DZANK1: variants seen among roughly 807,000 people sequenced by gnomAD.
The protein encoded by DZANK1 is double zinc ribbon and ankyrin repeat domains 1, also known as double zinc ribbon and ankyrin repeat-containing protein 1.
Under a neutral mutation model 94.5 loss-of-function variants are expected in DZANK1, and 91 were observed. That is an observed-to-expected ratio of 0.96 (90% CI 0.81 to 1.15). The LOEUF (loss-of-function observed/expected upper bound fraction) is 1.15. Among genes scored for constraint, DZANK1 ranks in the 50% most tolerant of loss-of-function variants. The pLI is 0.00. For synonymous variants in DZANK1, 312 were observed against 325.3 expected (o/e 0.96, Z 0.44); for missense variants, 903 against 916.4 (o/e 0.99, Z 0.19).
intron 8 of DZANK1, among the ~76,000 whole-genome samples, chr20:18,437,943 G>A (rs1568979932): frequency 6.6e-6 from 1 of 152,080 alleles, no homozygotes; most frequent in Non-Finnish European, 1.5e-5. Flanking sequence ...AAAAGGCCGG[G>A]TGCGGTGGCT....
intron 13 of DZANK1, among the ~76,000 whole-genome samples, chr20:18,400,008 T>G (rs574371989): frequency 6.6e-6 from 1 of 152,230 alleles, no homozygotes; most frequent in South Asian, 2.1e-4. Flanking sequence ...TGCGTTTAAA[T>G]CCTAAATCTA....
chr20:18,423,060 G>A (rs746687077), intron 10 of DZANK1, among the ~76,000 whole-genome samples: 11 of 152,002 alleles, frequency 7.2e-5, no homozygotes, highest in Admixed American at 3.3e-4. Context: ...CTCCACATAT[G>A]ACAGTGGGCC....
At chr20:18,417,715 A>C (rs144287626) in intron 10 of DZANK1, among the ~76,000 whole-genome samples, 3,746 of 152,276 alleles carry the variant, frequency 0.025, 71 homozygotes, top group African/African-American at 0.047. Flanking sequence ...TTTAAAAAAA[A>C]CTACAGATTT....
At chr20:18,412,623 A>T (rs1365411078) in intron 13 of DZANK1, 23 bp downstream of exon 13, 2 of 1,605,938 alleles carry the variant, frequency 1.2e-6, no homozygotes, top group Non-Finnish European at 1.7e-6. Flanking sequence ...CCCGACCAGA[A>T]GAAAGGGCAT....
At chr20:18,419,236 T>A (rs2057646864) in intron 10 of DZANK1, among the ~76,000 whole-genome samples, 2 of 144,088 alleles carry the variant, frequency 1.4e-5, no homozygotes, top group South Asian at 4.3e-4. Context: ...CACTCCAGCC[T>A]GGATGACAGA....
intron 1 of DZANK1, among the ~76,000 whole-genome samples, chr20:18,466,262 T>C (rs1048370964): frequency 2.5e-4 from 38 of 152,252 alleles, no homozygotes; most frequent in African/African-American, 8.2e-4. Flanking sequence ...ATTCTCACTG[T>C]ATTATTTAGT....
intron 13 of DZANK1, among the ~76,000 whole-genome samples, chr20:18,411,077 A>C (rs1165113736): frequency 1.3e-5 from 2 of 152,226 alleles, no homozygotes; most frequent in Non-Finnish European, 2.9e-5. Context: ...TCATCACCCT[A>C]ATCTTTGACC....
rs565867734 is a variant in DZANK1, at chr20:18,393,449, A to G, written c.1809+262T>C. 3.3e-5 allele frequency among the ~76,000 whole-genome samples: 5 copies of G among 152,350 alleles called. No individual in the cohort carries two copies. In the South Asian group the frequency reaches 1.0e-3, roughly 32 times the overall value. On this transcript the variant is annotated intron_variant, in intron 17 of 20. Transcript: ENST00000262547. ...CAAGGTTCCATATTTGAGGCAAACC[A>G]AAGTCGAAAGATAGGCAGACAGAAC...
intron 7 of DZANK1, among the ~76,000 whole-genome samples, chr20:18,447,478 C>G (rs2058921299): frequency 6.8e-6 from 1 of 147,202 alleles, no homozygotes; most frequent in Non-Finnish European, 1.5e-5. Context: ...AGGCGCCCAC[C>G]ACCACGCACA....
At chr20:18,457,192 T>C (rs2059321009) in intron 3 of DZANK1, among the ~76,000 whole-genome samples, 1 of 152,274 alleles carries the variant, frequency 6.6e-6, no homozygotes, top group Middle Eastern at 3.4e-3. Context: ...AGTGGCTTTA[T>C]GGCAGGGCAC....
At chr20:18,424,153 A>G (rs1255126889) in intron 10 of DZANK1, among the ~76,000 whole-genome samples, 1 of 152,180 alleles carries the variant, frequency 6.6e-6, no homozygotes, top group African/African-American at 2.4e-5. Context: ...CATGATTAAA[A>G]TGATTGGTGA....
At chr20:18,442,803 C>T (rs576371087) in intron 8 of DZANK1, among the ~76,000 whole-genome samples, 25 of 151,724 alleles carry the variant, frequency 1.6e-4, no homozygotes, top group Non-Finnish European at 2.5e-4. Context: ...AAGATGAACA[C>T]ATTTTGGTGA....
At chr20:18,426,230 G>A (rs1232609869) in intron 10 of DZANK1, among the ~76,000 whole-genome samples, 1 of 152,110 alleles carries the variant, frequency 6.6e-6, no homozygotes, top group Non-Finnish European at 1.5e-5. Flanking sequence ...TCTAGGTTGC[G>A]CGTTCCTTAT....
chr20:18,422,655 A>G (rs1386445224), intron 10 of DZANK1, among the ~76,000 whole-genome samples: 1 of 152,158 alleles, frequency 6.6e-6, no homozygotes, highest in African/African-American at 2.4e-5. Context: ...CATCATCAAG[A>G]TATCTCATTA....
chr20:18,414,853 G>A (rs1380673920), intron 11 of DZANK1, among the ~76,000 whole-genome samples: 4 of 152,178 alleles, frequency 2.6e-5, no homozygotes, highest in African/African-American at 9.7e-5. Context: ...AAATAATTGG[G>A]TCAGTGTTCA....
intron 8 of DZANK1, among the ~76,000 whole-genome samples, chr20:18,440,603 G>A (rs1002289019): frequency 1.3e-5 from 2 of 152,152 alleles, no homozygotes; most frequent in African/African-American, 4.8e-5. Flanking sequence ...ACAGGTGGTT[G>A]TGATGGGTTT....
At chr20:18,405,449 C>T (rs143282053) in intron 13 of DZANK1, among the ~76,000 whole-genome samples, 18 of 152,014 alleles carry the variant, frequency 1.2e-4, no homozygotes, top group Admixed American at 3.3e-4. Flanking sequence ...ATGAACAGAG[C>T]CTAAGAGACC....
exon 11 of DZANK1, chr20:18,415,425 G>A: frequency 6.3e-7 from 1 of 1,579,790 alleles, no homozygotes; most frequent in Non-Finnish European, 8.6e-7. Flanking sequence ...GGCGGAGGAG[G>A]GGCTTTATCC....
intron 20 of DZANK1, 40 bp from the exon 21 acceptor site, chr20:18,384,604 T>G (rs1463208939): frequency 1.3e-6 from 2 of 1,538,156 alleles, no homozygotes; most frequent in Admixed American, 2.0e-5. Context: ...ACTGAAGGAC[T>G]TGAACATGTG....
Sources: gnomAD v4.1 joint callset for allele counts (sites outside exome capture counted in the v4.1 genomes callset) on GRCh38, gnomAD v4.1.1 for gene constraint, MANE v1.5 for transcripts, NCBI Gene and HGNC (gene_info 2026-07-23, HGNC 2026-07-21) for gene names.